Variants in CEACAM5 observed in about 807,000 individuals in gnomAD.
CEACAM5 encodes the protein cell adhesion molecule CEACAM5.
A neutral mutation model predicts 63.0 loss-of-function variants in CEACAM5; 52 were observed. The ratio of observed to expected loss-of-function variants is 0.83; its 90% CI spans 0.66 to 1.04. The LOEUF is 1.04. CEACAM5 is among the 50% of genes least tolerant of loss of function. The pLI is 0.00. For missense variants in CEACAM5, 790 were observed against 864.8 expected (o/e 0.91, Z 1.08); for synonymous variants, 357 against 351.3 (o/e 1.02, Z -0.18).
rs71334990 is a variant in CEACAM5 at position 41,709,537 on chromosome 19, G to GACACACACACACACACAC, written c.65-130_65-113dup. On this transcript the variant is annotated intron_variant, in intron 1 of 9. Transcript: ENST00000221992. ...CACACTGCTGACCTTGACCTAGTAGGACACACACACACACACACACACACA... is the reference window on the plus strand; with the variant it reads ...CACACTGCTGACCTTGACCTAGTAGGACACACACACACACACACACACACACACACACACACACACACA... 29 of 1,115,860 alleles carry GACACACACACACACACAC rather than the reference G, an allele frequency of 2.6e-5. No individual in the cohort carries two copies. In the African/African-American group the frequency reaches 4.0e-4, roughly 16 times the overall value. 69.1% of individuals were successfully genotyped at this position (1,115,860 alleles called of 1,614,324 possible). A position where few individuals can be genotyped will look rare whatever the true frequency, so the allele number is the denominator to read the frequency against.
rs1005070747 is a variant in CEACAM5, at chr19:41,730,408, T to C, written c.*1261T>C. Among the ~76,000 whole-genome samples, 4 of 133,410 alleles carry C rather than the reference T, an allele frequency of 3.0e-5. No homozygotes were observed. Among genetic ancestry groups the C allele is most frequent in the African/African-American group, 9.3e-5 (3 of 32,130 alleles). The allele number at this position is 133,410 out of a possible 152,430, so 87.5% of individuals were successfully genotyped here. A position where few individuals can be genotyped will look rare whatever the true frequency, so the allele number is the denominator to read the frequency against. ...CTGCACTCCAGCCTGGGAGACAAAGTGAGACTCCGTCAAAAAAAAAAAAAA... is the reference window on the plus strand; with the variant it reads ...CTGCACTCCAGCCTGGGAGACAAAGCGAGACTCCGTCAAAAAAAAAAAAAA... On this transcript the variant is annotated 3_prime_UTR_variant, in exon 10 of 10. Coordinates refer to ENST00000221992, the MANE Select transcript of CEACAM5 (RefSeq NM_004363.6).
At chr19:41,711,972 G>A (rs1555814157) in intron 2 of CEACAM5, among the ~76,000 whole-genome samples, 1 of 152,160 alleles carries the variant, frequency 6.6e-6, no homozygotes, top group African/African-American at 2.4e-5. Flanking sequence ...AATGTCAACA[G>A]GTCACCAGGA....
intron 2 of CEACAM5, among the ~76,000 whole-genome samples, chr19:41,711,696 C>T (rs956339946): frequency 6.6e-6 from 1 of 152,186 alleles, no homozygotes; most frequent in African/African-American, 2.4e-5. Flanking sequence ...CCGCATGGCT[C>T]ATTGCCATGG....
chr19:41,720,846 C>A, intron 7 of CEACAM5, 76 bp from the exon 8 acceptor site: 1 of 1,552,336 alleles, frequency 6.4e-7, no homozygotes, highest in Admixed American at 1.7e-5. Context: ...CAGAGGGACA[C>A]TGTGGCCCTT....
rs1555814920 is a variant in CEACAM5 at position 41,715,754 on chromosome 19, T to C, written c.808T>C (p.Ser270Pro). The part of the protein sequence containing the change: ...HAASNPPAQY[S>P]WFVNGTFQQS... ...AGCCTCTAACCCACCTGCACAGTAC[T>C]CTTGGTTTGTCAATGGGACTTTCCA... is the stretch of plus-strand genomic sequence containing the variant. Residue 270 changes from serine to proline, a missense_variant, in exon 4 of 10, where the codon TCT becomes CCT. Coordinates refer to ENST00000221992, the MANE Select transcript of CEACAM5 (RefSeq NM_004363.6). The C allele has an allele frequency of 6.2e-7, 1 of 1,614,148 alleles. No homozygotes were observed. Among genetic ancestry groups the C allele is most frequent in the Admixed American group, 1.7e-5 (1 of 60,018 alleles).
Position 41,715,639 on chromosome 19 carries a change from G to T in CEACAM5, c.704-11G>T, listed in dbSNP as rs201460102. The T allele has an allele frequency of 3.0e-4, 487 of 1,613,708 alleles. 1 individual carries two copies. The African/African-American group carries it at 6.2e-3, about 20-fold the overall frequency. On this transcript the variant is annotated splice_polypyrimidine_tract_variant and intron_variant, in intron 3 of 9. Coordinates refer to ENST00000221992, the MANE Select transcript of CEACAM5 (RefSeq NM_004363.6). ...ACAATATCACCTGTGGCTTTATTTT[G>T]TTTGCTCCAGATGGCCCGGATGCCC...
intron 2 of CEACAM5, among the ~76,000 whole-genome samples, chr19:41,713,165 C>T (rs535812415): frequency 6.6e-6 from 1 of 152,200 alleles, no homozygotes; most frequent in Admixed American, 6.5e-5. Flanking sequence ...ATTAGCTGGG[C>T]GTGGTGGCAT....
Position 41,720,020 on chromosome 19 carries a change from A to G in CEACAM5, c.1583A>G (p.Gln528Arg). ...GCCTTCACCTGTGAACCTGAGGCTC[A>G]GAACACAACCTACCTGTGGTGGGTA... is the stretch of plus-strand genomic sequence containing the variant. ...AVAFTCEPEAQNTTYLWWVNG... is the reference protein window; with the variant it reads ...AVAFTCEPEARNTTYLWWVNG... The change falls in exon 7 of 10, where the codon CAG (glutamine) becomes CGG (arginine). Residue 528 changes from glutamine to arginine, a missense_variant. Coordinates refer to ENST00000221992, the MANE Select transcript of CEACAM5 (RefSeq NM_004363.6). The G allele has an allele frequency of 6.2e-7, 1 of 1,614,288 alleles. No homozygotes were observed. Among genetic ancestry groups the G allele is most frequent in the Non-Finnish European group, 8.5e-7 (1 of 1,180,052 alleles).
At chr19:41,719,323 C>T (rs2072579749) in intron 6 of CEACAM5, among the ~76,000 whole-genome samples, 1 of 152,160 alleles carries the variant, frequency 6.6e-6, no homozygotes, top group Non-Finnish European at 1.5e-5. Context: ...TATTCTGCTA[C>T]CATCATCACC....
intron 6 of CEACAM5, 137 bp downstream of exon 6, chr19:41,718,519 C>T: frequency 1.2e-6 from 1 of 858,802 alleles, no homozygotes; most frequent in Non-Finnish European, 1.8e-6. Context: ...ATCCTGAGCA[C>T]TCCCAATTTG....
In CEACAM5 at chr19:41,729,853, C is replaced by T. The variant is rs1395021967; in HGVS notation, c.*706C>T. On this transcript the variant is annotated 3_prime_UTR_variant, in exon 10 of 10. Coordinates refer to ENST00000221992, the MANE Select transcript of CEACAM5 (RefSeq NM_004363.6). ...GTCGCTCCAGACTTGGGAAACTATTCATGAATATTTATATTGTATGGTAAT... is the reference window on the plus strand; with the variant it reads ...GTCGCTCCAGACTTGGGAAACTATTTATGAATATTTATATTGTATGGTAAT... The T allele has an allele frequency of 1.3e-5, 2 of 152,128 alleles. No homozygotes were observed. Among genetic ancestry groups the T allele is most frequent in the African/African-American group, 2.4e-5 (1 of 41,436 alleles). 9.4% of individuals were successfully genotyped at this position (152,128 alleles called of 1,614,324 possible). A position where few individuals can be genotyped will look rare whatever the true frequency, so the allele number is the denominator to read the frequency against.
At position 41,718,228 on chromosome 19, in the gene CEACAM5, G is replaced by A; in HGVS notation, c.1338G>A (p.Gln446=). The A allele has an allele frequency of 6.2e-7, 1 of 1,614,204 alleles. No homozygotes were observed. The highest frequency in any genetic ancestry group is 1.1e-5 in the South Asian group (1 of 91,080). ...SCHAASNPPA[Q]YSWLIDGNIQ... Reference sequence around the variant, plus strand: ...ATGCAGCCTCTAACCCACCTGCACAGTATTCTTGGCTGATTGATGGGAACA... The same window carrying A: ...ATGCAGCCTCTAACCCACCTGCACAATATTCTTGGCTGATTGATGGGAACA... Residue 446 remains glutamine, a synonymous_variant, in exon 6 of 10, where the codon CAG becomes CAA. Coordinates refer to ENST00000221992, the MANE Select transcript of CEACAM5 (RefSeq NM_004363.6).
intron 4 of CEACAM5, among the ~76,000 whole-genome samples, chr19:41,717,223 G>A (rs1425700081): frequency 6.6e-6 from 1 of 152,234 alleles, no homozygotes; most frequent in Admixed American, 6.5e-5. Context: ...CAATGCTACT[G>A]CCCAATTCAC....
At position 41,730,419 on chromosome 19, in the gene CEACAM5, CAA is replaced by C. The variant is rs34510228; in HGVS notation, c.*1285_*1286del. Among the ~76,000 whole-genome samples, 13 of 131,122 alleles carry C rather than the reference CAA, an allele frequency of 9.9e-5. No homozygotes were observed. The highest frequency in any genetic ancestry group is 1.5e-4 in the Admixed American group (2 of 13,034). The allele number at this position is 131,122 out of a possible 152,430, so 86.0% of individuals were successfully genotyped here. On this transcript the variant is annotated 3_prime_UTR_variant, in exon 10 of 10. Coordinates refer to ENST00000221992, the MANE Select transcript of CEACAM5 (RefSeq NM_004363.6). ...CCTGGGAGACAAAGTGAGACTCCGT[CAA>C]AAAAAAAAAAAAGTCTATGTGGTCA...
At position 41,730,146 on chromosome 19, in the gene CEACAM5, C is replaced by G. The variant is rs558817641; in HGVS notation, c.*999C>G. On this transcript the variant is annotated 3_prime_UTR_variant, in exon 10 of 10. Coordinates refer to ENST00000221992, the MANE Select transcript of CEACAM5 (RefSeq NM_004363.6). ...TTTAAAAAAGTCTGTGTGGGCCGGGCGCGGTGGCTCACGCCTGTAATCCCA... is the reference window on the plus strand; with the variant it reads ...TTTAAAAAAGTCTGTGTGGGCCGGGGGCGGTGGCTCACGCCTGTAATCCCA... 6.6e-6 allele frequency among the ~76,000 whole-genome samples: 1 copy of G among 152,156 alleles called. No homozygotes were observed. The highest frequency in any genetic ancestry group is 2.4e-5 in the African/African-American group (1 of 41,422).
chr19:41,717,315 T>C, intron 4 of CEACAM5, 140 bp from the exon 5 acceptor site: 1 of 891,136 alleles, frequency 1.1e-6, no homozygotes, highest in South Asian at 1.6e-5. Context: ...GCATCTGTCT[T>C]GTGACGCACA....
chr19:41,720,275 C>A, intron 7 of CEACAM5, 67 bp downstream of exon 7: 1 of 1,542,184 alleles, frequency 6.5e-7, no homozygotes, highest in Non-Finnish European at 8.9e-7. Context: ...GAGGCCAGGA[C>A]TCTCAGTTCT....
At chr19:41,718,909 T>C (rs1472378866) in intron 6 of CEACAM5, among the ~76,000 whole-genome samples, 1 of 152,154 alleles carries the variant, frequency 6.6e-6, no homozygotes, top group Non-Finnish European at 1.5e-5. Context: ...TCACCTGGGG[T>C]GGGATCCGGG....
chr19:41,717,321 GCA>G, intron 4 of CEACAM5, 132 bp from the exon 5 acceptor site: 3 of 939,262 alleles, frequency 3.2e-6, no homozygotes, highest in Non-Finnish European at 4.9e-6. Context: ...GTCTTGTGAC[GCA>G]CACACACCTG....
Sources: gnomAD v4.1 joint callset for allele counts (sites outside exome capture counted in the v4.1 genomes callset) on GRCh38, gnomAD v4.1.1 for gene constraint, MANE v1.5 for transcripts, NCBI Gene and HGNC (gene_info 2026-07-23, HGNC 2026-07-21) for gene names.